COL5A2: variants seen among roughly 807,000 people sequenced by gnomAD.
COL5A2 encodes the protein collagen alpha-2(V) chain.
A neutral mutation model predicts 208.2 loss-of-function variants in COL5A2; 23 were observed. The observed-to-expected ratio is 0.11, with a 90% confidence interval of 0.08 to 0.16. The LOEUF (loss-of-function observed/expected upper bound fraction) is 0.16. COL5A2 is among the 10% of genes least tolerant of loss of function. The pLI is 1.00. For missense variants in COL5A2, 1,590 were observed against 1,956.4 expected (o/e 0.81, Z 3.53); for synonymous variants, 625 against 628.5 (o/e 0.99, Z 0.08).
intron 1 of COL5A2, among the ~76,000 whole-genome samples, chr2:189,148,358 G>C (rs577246948): frequency 6.6e-6 from 1 of 152,164 alleles, no homozygotes; most frequent in East Asian, 1.9e-4. Flanking sequence ...ACACATGTAA[G>C]AAAAGACACA....
At chr2:189,071,117 T>TA (rs1686265039) in intron 18 of COL5A2, among the ~76,000 whole-genome samples, 1 of 152,206 alleles carries the variant, frequency 6.6e-6, no homozygotes, top group African/African-American at 2.4e-5. Flanking sequence ...CGAACTTACA[T>TA]TGAGGGTGTC....
chr2:189,282,117 C>T, the COL5A2 span, among the ~76,000 whole-genome samples: 1 of 152,088 alleles, frequency 6.6e-6, no homozygotes, highest in Admixed American at 6.6e-5. Context: ...ACCCTGGAGG[C>T]AGAGGTGGCA....
the COL5A2 span, among the ~76,000 whole-genome samples, chr2:189,321,940 C>A: frequency 6.6e-6 from 1 of 152,334 alleles, no homozygotes; most frequent in Admixed American, 6.5e-5. Context: ...AAGCACTCCT[C>A]AGCAAATGTA....
At chr2:189,045,149 T>G in intron 47 of COL5A2, 30 bp downstream of exon 47, 1 of 1,549,920 alleles carries the variant, frequency 6.5e-7, no homozygotes, top group Non-Finnish European at 8.8e-7. Context: ...TAAGAAAACA[T>G]TTTTTAAAAA....
chr2:189,337,120 A>G, the COL5A2 span, among the ~76,000 whole-genome samples: 1 of 152,176 alleles, frequency 6.6e-6, no homozygotes, highest in Non-Finnish European at 1.5e-5. Flanking sequence ...GCACACAAGC[A>G]TACACATTCA....
intron 1 of COL5A2, among the ~76,000 whole-genome samples, chr2:189,189,591 G>A (rs1478751172): frequency 6.6e-6 from 1 of 152,104 alleles, no homozygotes; most frequent in Non-Finnish European, 1.5e-5. Context: ...GTTTGAAGTT[G>A]CAGTGAGCTA....
At chr2:189,431,759 T>C in the COL5A2 span, among the ~76,000 whole-genome samples, 26 of 152,124 alleles carry the variant, frequency 1.7e-4, no homozygotes, top group Non-Finnish European at 1.3e-4. Context: ...TGGAACCAAG[T>C]CCGAAAGCAC....
chr2:189,084,706 A>G (rs1686612388), intron 11 of COL5A2, among the ~76,000 whole-genome samples: 1 of 152,196 alleles, frequency 6.6e-6, no homozygotes, highest in African/African-American at 2.4e-5. Flanking sequence ...AACTTTAATT[A>G]AAAATCCAAT....
chr2:189,204,383 A>G (rs1292212204), intron 1 of COL5A2, among the ~76,000 whole-genome samples: 2 of 152,218 alleles, frequency 1.3e-5, no homozygotes. Context: ...ATATCCCCAT[A>G]GTACCTTACT....
chr2:189,311,092 C>T, the COL5A2 span, among the ~76,000 whole-genome samples: 1 of 152,088 alleles, frequency 6.6e-6, no homozygotes, highest in African/African-American at 2.4e-5. Flanking sequence ...AGCCTCATTC[C>T]TAGGGAATTG....
At chr2:189,101,330 T>TA (rs78027818) in intron 3 of COL5A2, among the ~76,000 whole-genome samples, 1 of 151,810 alleles carries the variant, frequency 6.6e-6, no homozygotes, top group Non-Finnish European at 1.5e-5. Context: ...AAATATTTTT[T>TA]AAAAAACCCT....
At chr2:189,406,006 C>T in the COL5A2 span, among the ~76,000 whole-genome samples, 1 of 152,168 alleles carries the variant, frequency 6.6e-6, no homozygotes, top group African/African-American at 2.4e-5. Flanking sequence ...GCAACCACTT[C>T]ATGGAGTGAT....
the COL5A2 span, among the ~76,000 whole-genome samples, chr2:189,394,920 C>T: frequency 6.6e-6 from 1 of 152,222 alleles, no homozygotes; most frequent in East Asian, 1.9e-4. Flanking sequence ...GAATTACATA[C>T]TTTATTTTAA....
chr2:189,140,407 ATACATTTT>A (rs1371912444), intron 1 of COL5A2, among the ~76,000 whole-genome samples: 1 of 152,144 alleles, frequency 6.6e-6, no homozygotes, highest in Admixed American at 6.5e-5. Flanking sequence ...CTGAATATTA[ATACATTTT>A]AAACCTGGAG....
chr2:189,354,696 T>C, the COL5A2 span, among the ~76,000 whole-genome samples: 1 of 152,052 alleles, frequency 6.6e-6, no homozygotes, highest in South Asian at 2.1e-4. Flanking sequence ...CTTGCTGGCA[T>C]TCTATCTATT....
intron 1 of COL5A2, among the ~76,000 whole-genome samples, chr2:189,200,958 A>C (rs1012190867): frequency 6.6e-6 from 1 of 152,082 alleles, no homozygotes. Context: ...CCTGTACTAC[A>C]AGAAATGTTA....
chr2:189,335,283 T>G, the COL5A2 span, among the ~76,000 whole-genome samples: 2 of 151,896 alleles, frequency 1.3e-5, no homozygotes, highest in East Asian at 3.9e-4. Flanking sequence ...CAAACCACAA[T>G]CAACAGATTT....
intron 1 of COL5A2, among the ~76,000 whole-genome samples, chr2:189,123,882 AT>A (rs1298546742): frequency 2.2e-4 from 34 of 152,288 alleles, no homozygotes; most frequent in Middle Eastern, 3.4e-3. Flanking sequence ...TTTAAAAAAA[AT>A]ATACGCCCAT....
At chr2:189,093,684 C>A (rs1686838168) in intron 6 of COL5A2, among the ~76,000 whole-genome samples, 1 of 152,134 alleles carries the variant, frequency 6.6e-6, no homozygotes, top group African/African-American at 2.4e-5. Context: ...AAAATGATAT[C>A]TTAGAAAATT....
Sources: allele counts gnomAD v4.1 joint callset (sites outside exome capture counted in the v4.1 genomes callset), GRCh38; gene constraint gnomAD v4.1.1; transcripts MANE v1.5; gene names NCBI Gene and HGNC (gene_info 2026-07-23, HGNC 2026-07-21).